The following GOLGA7B variants were observed in gnomAD, a reference collection of about 807,000 sequenced individuals.
The protein encoded by GOLGA7B is golgin subfamily A member 7B.
GOLGA7B carries 17 observed loss-of-function variants against 21.5 expected under a neutral mutation model. The ratio of observed to expected loss-of-function variants is 0.79; its 90% CI spans 0.54 to 1.19. The LOEUF (loss-of-function observed/expected upper bound fraction) is 1.19. Ranked by LOEUF, GOLGA7B falls within the 50% of genes most tolerant of loss-of-function variation. The probability of loss-of-function intolerance (pLI) is 0.00; values close to 1 mark genes in which losing one functional copy is unlikely to be tolerated. For synonymous variants in GOLGA7B, 87 were observed against 84.0 expected (o/e 1.04, Z -0.19); for missense variants, 169 against 224.4 (o/e 0.75, Z 1.58).
Position 97,859,488 on chromosome 10 carries a change from G to A in GOLGA7B, c.43G>A (p.Ala15Thr), listed in dbSNP as rs769589632. ...CAATCTGCAGGAGCTCCGGCGAAGTGCCTCACTGGCCACCAAGGTCTTTAT... is the reference window on the plus strand; with the variant it reads ...CAATCTGCAGGAGCTCCGGCGAAGTACCTCACTGGCCACCAAGGTCTTTAT... ...VHNLQELRRS[A>T]SLATKVFIQR... The change falls in exon 2 of 5, where the codon GCC becomes ACC. Residue 15 changes from alanine to threonine, a missense_variant. Ala to Thr is a moderately conservative substitution (Grantham distance 58). Coordinates refer to ENST00000370602, the MANE Select transcript of GOLGA7B (RefSeq NM_001010917.3). The A allele has an allele frequency of 6.2e-7, 1 of 1,614,154 alleles. No individual in the cohort carries two copies. The highest frequency in any genetic ancestry group is 1.7e-5 in the Admixed American group (1 of 60,020).
In GOLGA7B at chr10:97,869,088, C is replaced by T. The variant is rs1038249388; in HGVS notation, c.*3388C>T. The T allele has an allele frequency of 6.6e-6, 1 of 152,258 alleles. No individual in the cohort carries two copies. Among genetic ancestry groups the T allele is most frequent in the Non-Finnish European group, 1.5e-5 (1 of 68,060 alleles). 9.4% of individuals were successfully genotyped at this position (152,258 alleles called of 1,614,324 possible). On this transcript the variant is annotated 3_prime_UTR_variant, in exon 5 of 5. Coordinates refer to ENST00000370602, the MANE Select transcript of GOLGA7B (RefSeq NM_001010917.3). The stretch of plus-strand genomic sequence containing the variant: ...CCAAACTGCAAGGAAGAAGACAGAT[C>T]CAGCCTCAGAGGCCGCTTAACAGCT...
rs2050073449 is a variant in GOLGA7B, at chr10:97,869,944, G to A, written c.*4244G>A. On this transcript the variant is annotated 3_prime_UTR_variant, in exon 5 of 5. Transcript: ENST00000370602. ...ACCATTCACCCAGGGATAAGGCAAG[G>A]CAAACACCACTCCACATCAGATCTG... The A allele has an allele frequency of 6.6e-6, 1 of 152,266 alleles. No individual in the cohort carries two copies. The highest frequency in any genetic ancestry group is 2.4e-5 in the African/African-American group (1 of 41,450). 9.4% of individuals were successfully genotyped at this position (152,266 alleles called of 1,614,324 possible).
At position 97,871,408 on chromosome 10, in the gene GOLGA7B, ATC is replaced by A. The variant is rs2050092112; in HGVS notation, c.*5710_*5711del. 2 of 152,286 alleles carry A rather than the reference ATC, an allele frequency of 1.3e-5. No homozygotes were observed. The highest frequency in any genetic ancestry group is 1.3e-4 in the Admixed American group (2 of 15,294). The allele number at this position is 152,286 out of a possible 1,614,324, so 9.4% of individuals were successfully genotyped here. A position where few individuals can be genotyped will look rare whatever the true frequency, so the allele number is the denominator to read the frequency against. Reference sequence around the variant, plus strand: ...AGAATGTGTATATTTATAAATAATCATCTGTTTCTCCAATGTAAGATATTGTT... The same window carrying A: ...AGAATGTGTATATTTATAAATAATCATGTTTCTCCAATGTAAGATATTGTT... On this transcript the variant is annotated 3_prime_UTR_variant, in exon 5 of 5. Transcript: ENST00000370602.
chr10:97,852,553 T>A (rs2049910987), intron 1 of GOLGA7B, among the ~76,000 whole-genome samples: 5 of 152,194 alleles, frequency 3.3e-5, no homozygotes, highest in African/African-American at 7.2e-5. Flanking sequence ...AGGCTGTTTT[T>A]ACTGTTAGAA....
At chr10:97,855,534 G>A (rs1310031324) in intron 1 of GOLGA7B, among the ~76,000 whole-genome samples, 1 of 152,080 alleles carries the variant, frequency 6.6e-6, no homozygotes, top group Non-Finnish European at 1.5e-5. Flanking sequence ...ATTAGAAAGA[G>A]AATCATCCCT....
chr10:97,868,187 T>G lies in GOLGA7B; in HGVS notation c.*2487T>G, dbSNP rs1305005683. The G allele has an allele frequency of 1.3e-5, 2 of 152,224 alleles. No homozygotes were observed. The highest frequency in any genetic ancestry group is 4.8e-5 in the African/African-American group (2 of 41,460). The allele number at this position is 152,224 out of a possible 1,614,324, so 9.4% of individuals were successfully genotyped here. On this transcript the variant is annotated 3_prime_UTR_variant, in exon 5 of 5. Coordinates refer to ENST00000370602, the MANE Select transcript of GOLGA7B (RefSeq NM_001010917.3). ...AACCTAGCAGAGTTGTGTCTTGAAT[T>G]TTATAATTTATTGAGCACCTACTAT...
chr10:97,851,083 G>T (rs2049902909), intron 1 of GOLGA7B, among the ~76,000 whole-genome samples: 2 of 152,158 alleles, frequency 1.3e-5, no homozygotes, highest in Admixed American at 6.5e-5. Flanking sequence ...TCAGGAGGGA[G>T]ATTGGGCTCT....
In GOLGA7B at chr10:97,864,272, A is replaced by G. The variant is rs370456303; in HGVS notation, c.393+3A>G. On this transcript the variant is annotated splice_donor_region_variant and intron_variant, in intron 4 of 4. Coordinates refer to ENST00000370602, the MANE Select transcript of GOLGA7B (RefSeq NM_001010917.3). ...CTGTGGAGCGTGGGATGAGGGTTGT[A>G]TCCTTCTGGGCTATTCTGTGTTGAG... The G allele has an allele frequency of 6.2e-7, 1 of 1,611,592 alleles. No individual in the cohort carries two copies. The highest frequency in any genetic ancestry group is 8.5e-7 in the Non-Finnish European group (1 of 1,177,708).
At chr10:97,851,283 C>G (rs1401371816) in intron 1 of GOLGA7B, among the ~76,000 whole-genome samples, 1 of 152,170 alleles carries the variant, frequency 6.6e-6, no homozygotes. Flanking sequence ...CATTTCCAAT[C>G]CAGCTGGCAT....
chr10:97,868,539 G>C lies in GOLGA7B; in HGVS notation c.*2839G>C, dbSNP rs2136524962. 1 of 152,462 alleles carries C rather than the reference G, an allele frequency of 6.6e-6. No individual in the cohort carries two copies. The highest frequency in any genetic ancestry group is 2.1e-4 in the South Asian group (1 of 4,826). The allele number at this position is 152,462 out of a possible 1,614,324, so 9.4% of individuals were successfully genotyped here. On this transcript the variant is annotated 3_prime_UTR_variant, in exon 5 of 5. Transcript: ENST00000370602. ...GTGGGGGCTGGGCAGTCCCCTCTGG[G>C]TGGTTCTCATGTTTGTTGTCACTGC...
chr10:97,857,240 A>G (rs1448443875), intron 1 of GOLGA7B, among the ~76,000 whole-genome samples: 1 of 152,072 alleles, frequency 6.6e-6, no homozygotes, highest in Non-Finnish European at 1.5e-5. Flanking sequence ...TCCATGTTGA[A>G]TTAATTTTTG....
Position 97,864,299 on chromosome 10 carries a change from G to A in GOLGA7B, c.393+30G>A, listed in dbSNP as rs2049995076. 5 of 1,559,224 alleles carry A rather than the reference G, an allele frequency of 3.2e-6. No homozygotes were observed. The South Asian group carries it at 3.3e-5, about 10-fold the overall frequency. On this transcript the variant is annotated intron_variant, in intron 4 of 4. Coordinates refer to ENST00000370602, the MANE Select transcript of GOLGA7B (RefSeq NM_001010917.3). ...CCTTCTGGGCTATTCTGTGTTGAGGGCACAGGACTGCTAACCAGTAGAGAT... is the reference window on the plus strand; with the variant it reads ...CCTTCTGGGCTATTCTGTGTTGAGGACACAGGACTGCTAACCAGTAGAGAT...
rs574225578 is a variant in GOLGA7B at position 97,868,663 on chromosome 10, A to G, written c.*2963A>G. On this transcript the variant is annotated 3_prime_UTR_variant, in exon 5 of 5. Coordinates refer to ENST00000370602, the MANE Select transcript of GOLGA7B (RefSeq NM_001010917.3). ...GCCACAAGTGAGCGTGTTCTCTAAT[A>G]TGAGGGCAGGTTCATTCTGTTTTGG... 4.5e-4 allele frequency: 68 copies of G among 152,250 alleles called. No homozygotes were observed. The highest frequency in any genetic ancestry group is 1.5e-3 in the African/African-American group (64 of 41,518). 9.4% of individuals were successfully genotyped at this position (152,250 alleles called of 1,614,324 possible). A position where few individuals can be genotyped will look rare whatever the true frequency, so the allele number is the denominator to read the frequency against.
rs749454128 is a variant in GOLGA7B, at chr10:97,865,735, G to A, written c.*35G>A. ...AGTCCCTGTAGGGAGGTGTATGGCC[G>A]GAGTGAGGGCCTTGCAGACCTGCGG... is the stretch of plus-strand genomic sequence containing the variant. On this transcript the variant is annotated 3_prime_UTR_variant, in exon 5 of 5. Coordinates refer to ENST00000370602, the MANE Select transcript of GOLGA7B (RefSeq NM_001010917.3). The A allele has an allele frequency of 6.5e-5, 102 of 1,572,376 alleles. 1 individual carries two copies. Among genetic ancestry groups the A allele is most frequent in the Middle Eastern group, 3.7e-4 (2 of 5,378 alleles).
At chr10:97,863,068 G>A (rs1157681650) in intron 2 of GOLGA7B, among the ~76,000 whole-genome samples, 1 of 152,186 alleles carries the variant, frequency 6.6e-6, no homozygotes, top group African/African-American at 2.4e-5. Flanking sequence ...TGGGAAGATT[G>A]TGGGAGCTCT....
Position 97,850,224 on chromosome 10 carries a change from CCG to C in GOLGA7B, c.-78_-77del. 1 of 1,127,748 alleles carries C rather than the reference CCG, an allele frequency of 8.9e-7. No individual in the cohort carries two copies. The highest frequency in any genetic ancestry group is 1.2e-6 in the Non-Finnish European group (1 of 843,546). 69.9% of individuals were successfully genotyped at this position (1,127,748 alleles called of 1,614,324 possible). A position where few individuals can be genotyped will look rare whatever the true frequency, so the allele number is the denominator to read the frequency against. ...GGGCCCCAGCTCGCCGCCACCGCCG[CCG>C]CCCACCTGCTCCCGGGGTCAGCACC... On this transcript the variant is annotated 5_prime_UTR_variant, in exon 1 of 5. Coordinates refer to ENST00000370602, the MANE Select transcript of GOLGA7B (RefSeq NM_001010917.3).
chr10:97,852,924 T>C (rs1317932888), intron 1 of GOLGA7B, among the ~76,000 whole-genome samples: 1 of 152,096 alleles, frequency 6.6e-6, no homozygotes. Context: ...CAAACCTCTG[T>C]GAATGTGTGT....
Position 97,868,528 on chromosome 10 carries a change from G to T in GOLGA7B, c.*2828G>T, listed in dbSNP as rs1355968917. The T allele has an allele frequency of 6.6e-6, 1 of 152,324 alleles. No homozygotes were observed. The highest frequency in any genetic ancestry group is 6.5e-5 in the Admixed American group (1 of 15,290). The allele number at this position is 152,324 out of a possible 1,614,324, so 9.4% of individuals were successfully genotyped here. A position where few individuals can be genotyped will look rare whatever the true frequency, so the allele number is the denominator to read the frequency against. On this transcript the variant is annotated 3_prime_UTR_variant, in exon 5 of 5. Transcript: ENST00000370602. Reference sequence around the variant, plus strand: ...CAGCCTCTTAGGTGGGGGCTGGGCAGTCCCCTCTGGGTGGTTCTCATGTTT... The same window carrying T: ...CAGCCTCTTAGGTGGGGGCTGGGCATTCCCCTCTGGGTGGTTCTCATGTTT...
chr10:97,866,677 T>A lies in GOLGA7B; in HGVS notation c.*977T>A, dbSNP rs2050029061. On this transcript the variant is annotated 3_prime_UTR_variant, in exon 5 of 5. Coordinates refer to ENST00000370602, the MANE Select transcript of GOLGA7B (RefSeq NM_001010917.3). ...ATGTGGACACATTTATAAGCACACCTGTGTGTGTCTGAGTACATGTGCACA... is the reference window on the plus strand; with the variant it reads ...ATGTGGACACATTTATAAGCACACCAGTGTGTGTCTGAGTACATGTGCACA... The A allele has an allele frequency of 6.6e-6, 1 of 152,252 alleles. No individual in the cohort carries two copies. Among genetic ancestry groups the A allele is most frequent in the Non-Finnish European group, 1.5e-5 (1 of 68,032 alleles). 9.4% of individuals were successfully genotyped at this position (152,252 alleles called of 1,614,324 possible). A position where few individuals can be genotyped will look rare whatever the true frequency, so the allele number is the denominator to read the frequency against.
Sources: allele counts gnomAD v4.1 joint callset (sites outside exome capture counted in the v4.1 genomes callset), GRCh38; gene constraint gnomAD v4.1.1; transcripts MANE v1.5; gene names NCBI Gene and HGNC (gene_info 2026-07-23, HGNC 2026-07-21).